Variants in SOX6 observed in about 807,000 individuals in gnomAD.
The protein encoded by SOX6 is SRY-box transcription factor 6.
A neutral mutation model predicts 97.8 loss-of-function variants in SOX6; 11 were observed. That is an observed-to-expected ratio of 0.11 (90% confidence interval 0.07 to 0.19). SOX6 has a LOEUF of 0.19. Among genes scored for constraint, SOX6 ranks in the 10% least tolerant of loss-of-function variants. SOX6 has a pLI of 1.00. For missense variants in SOX6, 810 were observed against 1,039.5 expected, an observed-to-expected ratio of 0.78 and a Z score of 3.04; for synonymous variants, 360 against 371.4, an observed-to-expected ratio of 0.97 and a Z score of 0.35.
intron 1 of SOX6, among the ~76,000 whole-genome samples, chr11:16,369,694 T>G (rs566013221): frequency 2.0e-5 from 3 of 152,288 alleles, no homozygotes; most frequent in Non-Finnish European, 2.9e-5. Flanking sequence ...TCTCAAAATT[T>G]TATTCATGCC....
chr11:16,295,516 A>G (rs1855050801), intron 3 of SOX6, among the ~76,000 whole-genome samples: 1 of 152,170 alleles, frequency 6.6e-6, no homozygotes, highest in Non-Finnish European at 1.5e-5. Context: ...TAGATATAGT[A>G]ATGGAGGTAT....
At chr11:16,656,052 T>C (rs1244387029) in intron 3 of SOX6, among the ~76,000 whole-genome samples, 1 of 152,072 alleles carries the variant, frequency 6.6e-6, no homozygotes, top group African/African-American at 2.4e-5. Flanking sequence ...CAGGAAAATA[T>C]ATTACTCACC....
intron 4 of SOX6, among the ~76,000 whole-genome samples, chr11:16,508,322 T>A (rs991810483): frequency 6.6e-6 from 1 of 152,094 alleles, no homozygotes; most frequent in African/African-American, 2.4e-5. Flanking sequence ...AAAACAGAAC[T>A]ACCATAGCAT....
intron 4 of SOX6, among the ~76,000 whole-genome samples, chr11:16,198,870 C>T (rs937550945): frequency 1.3e-5 from 2 of 152,188 alleles, no homozygotes; most frequent in African/African-American, 4.8e-5. Context: ...TAAGAATCTA[C>T]TCTAGTGCTA....
chr11:16,425,954 GA>G (rs34187856), intron 1 of SOX6, among the ~76,000 whole-genome samples: 46,540 of 147,660 alleles, frequency 0.32, 8,065 homozygotes, highest in Non-Finnish European at 0.4. Context: ...TACAGAACTA[GA>G]AAAAAAAAAA....
intron 4 of SOX6, among the ~76,000 whole-genome samples, chr11:16,567,130 G>T (rs889762375): frequency 2.0e-5 from 3 of 152,180 alleles, no homozygotes; most frequent in African/African-American, 7.2e-5. Flanking sequence ...GACAAGTCAT[G>T]TTAACTCTAC....
At chr11:16,255,193 G>A (rs938301034) in intron 3 of SOX6, among the ~76,000 whole-genome samples, 8 of 151,966 alleles carry the variant, frequency 5.3e-5, no homozygotes, top group African/African-American at 1.7e-4. Flanking sequence ...ATGAGAAGTG[G>A]ACAAGTTCAG....
intron 4 of SOX6, among the ~76,000 whole-genome samples, chr11:16,217,094 T>C (rs1341520091): frequency 6.6e-6 from 1 of 152,238 alleles, no homozygotes. Context: ...AACCACAGCA[T>C]GGTCGTGCCC....
At chr11:16,526,070 G>A (rs1458705277) in intron 4 of SOX6, among the ~76,000 whole-genome samples, 1 of 152,162 alleles carries the variant, frequency 6.6e-6, no homozygotes, top group African/African-American at 2.4e-5. Context: ...GTGGAAGTCA[G>A]TGTGGCGATT....
At chr11:16,331,964 C>A (rs1856315950) in intron 2 of SOX6, among the ~76,000 whole-genome samples, 2 of 152,056 alleles carry the variant, frequency 1.3e-5, no homozygotes, top group Admixed American at 1.3e-4. Flanking sequence ...TCTTAACTTC[C>A]AAATATCCAA....
At chr11:16,264,044 G>A (rs1354860823) in intron 3 of SOX6, among the ~76,000 whole-genome samples, 1 of 151,812 alleles carries the variant, frequency 6.6e-6, no homozygotes, top group East Asian at 1.9e-4. Flanking sequence ...GTCTCTGTGT[G>A]TAATCATTTG....
At chr11:16,587,754 G>A (rs970080968) in intron 4 of SOX6, among the ~76,000 whole-genome samples, 3 of 152,174 alleles carry the variant, frequency 2.0e-5, no homozygotes, top group Non-Finnish European at 2.9e-5. Context: ...AGTGCTAGTT[G>A]CACTCCAAGA....
intron 1 of SOX6, among the ~76,000 whole-genome samples, chr11:16,344,152 TG>T (rs1221321189): frequency 2.0e-5 from 3 of 151,970 alleles, no homozygotes; most frequent in Admixed American, 2.0e-4. Context: ...GTGAAAAAGA[TG>T]GGTTTTGTTT....
At chr11:16,196,725 C>T (rs1222240582) in intron 4 of SOX6, among the ~76,000 whole-genome samples, 1 of 151,816 alleles carries the variant, frequency 6.6e-6, no homozygotes, top group Non-Finnish European at 1.5e-5. Flanking sequence ...ACCTTGATTC[C>T]TAATTTTCAT....
intron 4 of SOX6, among the ~76,000 whole-genome samples, chr11:16,547,041 G>A (rs200989212): frequency 3.9e-5 from 6 of 152,100 alleles, no homozygotes; most frequent in African/African-American, 2.4e-5. Context: ...TCAAGGAAAT[G>A]CAAATCAAAA....
At chr11:16,000,079 A>G (rs1367742868) in intron 13 of SOX6, among the ~76,000 whole-genome samples, 1 of 152,182 alleles carries the variant, frequency 6.6e-6, no homozygotes, top group East Asian at 1.9e-4. Flanking sequence ...TGGCTGATAG[A>G]TGTCTGTCTA....
intron 4 of SOX6, among the ~76,000 whole-genome samples, chr11:16,577,435 G>T (rs1200417010): frequency 3.9e-5 from 6 of 152,116 alleles, no homozygotes; most frequent in Non-Finnish European, 7.4e-5. Context: ...GCTAGTAGGA[G>T]TGAAATTGTT....
In SOX6 at chr11:15,986,432, A is replaced by T; in HGVS notation, c.1967-12T>A. On this transcript the variant is annotated splice_polypyrimidine_tract_variant and intron_variant, in intron 14 of 15. Transcript: ENST00000683767. ...TTTCCAGCGAGATCCTAGAAATAAAAATAGCCTTAAGTACCCAAGTGGTCA... is the reference window on the plus strand; with the variant it reads ...TTTCCAGCGAGATCCTAGAAATAAATATAGCCTTAAGTACCCAAGTGGTCA... 6.2e-7 allele frequency: 1 copy of T among 1,613,824 alleles called. No individual in the cohort carries two copies. The highest frequency in any genetic ancestry group is 1.7e-5 in the Admixed American group (1 of 59,998).
chr11:16,499,965 C>A (rs947428775), intron 4 of SOX6, among the ~76,000 whole-genome samples: 15 of 152,140 alleles, frequency 9.9e-5, no homozygotes, highest in South Asian at 2.1e-4. Context: ...TTTTATGAGG[C>A]CAGCATCATC....
Sources: gnomAD v4.1 joint callset for allele counts (sites outside exome capture counted in the v4.1 genomes callset) on GRCh38, gnomAD v4.1.1 for gene constraint, MANE v1.5 for transcripts, NCBI Gene and HGNC (gene_info 2026-07-23, HGNC 2026-07-21) for gene names.